The following FAM222B variants were observed in gnomAD, a reference collection of about 807,000 sequenced individuals.
FAM222B encodes protein FAM222B.
FAM222B carries 12 observed loss-of-function variants against 38.0 expected under a neutral mutation model. The observed-to-expected ratio is 0.32, with a 90% CI of 0.20 to 0.51. The LOEUF (loss-of-function observed/expected upper bound fraction) is 0.51, where lower values mean the gene tolerates loss of function less well. Ranked by LOEUF, FAM222B falls within the 20% of genes least tolerant of loss-of-function variation. FAM222B has a pLI of 0.97. For missense variants in FAM222B, 716 were observed against 754.2 expected, an observed-to-expected ratio of 0.95 and a Z score of 0.59; for synonymous variants, 329 against 317.2, an observed-to-expected ratio of 1.04 and a Z score of -0.40.
chr17:28,763,966 T>C (rs1410329015), intron 2 of FAM222B, among the ~76,000 whole-genome samples: 3 of 152,108 alleles, frequency 2.0e-5, no homozygotes, highest in Non-Finnish European at 4.4e-5. Flanking sequence ...AGAGCCCCAG[T>C]GTTCTGCCAT....
At position 28,819,034 on chromosome 17, in the gene FAM222B, G is replaced by C. The variant is rs1423215777; in HGVS notation, c.-41+23648C>G. Among the ~76,000 whole-genome samples, 4 of 152,186 alleles carry C rather than the reference G, an allele frequency of 2.6e-5. No homozygotes were observed. In the East Asian group the frequency reaches 7.7e-4, roughly 29 times the overall value. ...GTCAGAAGACAGAAAACAAAAAGAAGGCTGTGCAAGCCAGAAAAAGCAAAT... is the reference window on the plus strand; with the variant it reads ...GTCAGAAGACAGAAAACAAAAAGAACGCTGTGCAAGCCAGAAAAAGCAAAT... On this transcript the variant is annotated intron_variant, in intron 1 of 2. Coordinates refer to ENST00000581407, the MANE Select transcript of FAM222B (RefSeq NM_001077498.3).
chr17:28,785,509 G>T (rs1210024433), intron 1 of FAM222B, among the ~76,000 whole-genome samples: 1 of 152,066 alleles, frequency 6.6e-6, no homozygotes, highest in African/African-American at 2.4e-5. Flanking sequence ...CTAAGCCGTG[G>T]TTTTGATGAT....
chr17:28,785,091 G>A (rs1438445786), intron 1 of FAM222B, among the ~76,000 whole-genome samples: 1 of 152,054 alleles, frequency 6.6e-6, no homozygotes, highest in Non-Finnish European at 1.5e-5. Flanking sequence ...AATCTAGATG[G>A]AACAAGTATT....
In FAM222B at chr17:28,841,821, A is replaced by G. The variant is rs1210002663; in HGVS notation, c.-41+861T>C. Among the ~76,000 whole-genome samples the G allele has an allele frequency of 3.9e-5, 6 of 152,138 alleles. No homozygotes were observed. In the East Asian group the frequency reaches 1.2e-3, roughly 29 times the overall value. On this transcript the variant is annotated intron_variant, in intron 1 of 2. Coordinates refer to ENST00000581407, the MANE Select transcript of FAM222B (RefSeq NM_001077498.3). ...GTTTGTAAAAACGCCGGAGTACGGT[A>G]TTTTTCCTACAGAAGTCTGATGGCT... is the stretch of plus-strand genomic sequence containing the variant.
In FAM222B at chr17:28,758,208, T is replaced by TA. The variant is rs2085442923; in HGVS notation, c.*61dup. ...GAAACTTTGAAACTATCCAGTTACT[T>TA]AAAAGACTAAACCTAGGAGGGTGAT... On this transcript the variant is annotated 3_prime_UTR_variant, in exon 3 of 3. Transcript: ENST00000581407. 7.3e-7 allele frequency: 1 copy of TA among 1,366,310 alleles called. No individual in the cohort carries two copies. Among genetic ancestry groups the TA allele is most frequent in the South Asian group, 1.4e-5 (1 of 71,234 alleles). The allele number at this position is 1,366,310 out of a possible 1,614,324, so 84.6% of individuals were successfully genotyped here.
chr17:28,760,640 C>CT (rs1342921855), intron 2 of FAM222B, among the ~76,000 whole-genome samples: 52 of 151,922 alleles, frequency 3.4e-4, no homozygotes, highest in Admixed American at 3.3e-3. Context: ...GCCCATGTGG[C>CT]TTGGGGGTAG....
At chr17:28,795,264 C>G (rs1165435532) in intron 1 of FAM222B, among the ~76,000 whole-genome samples, 2 of 152,170 alleles carry the variant, frequency 1.3e-5, no homozygotes, top group Non-Finnish European at 2.9e-5. Flanking sequence ...CCCACCTCAG[C>G]CTGCCAAGTA....
Position 28,757,303 on chromosome 17 carries a change from C to G in FAM222B, c.*967G>C, listed in dbSNP as rs919422317. On this transcript the variant is annotated 3_prime_UTR_variant, in exon 3 of 3. Transcript: ENST00000581407. ...ATGCTACTCAAACCCACACTACATT[C>G]ATACAGAAACGTAACGTTTAAAACT... The G allele has an allele frequency of 7.9e-5, 12 of 152,464 alleles. No individual in the cohort carries two copies. The highest frequency in any genetic ancestry group is 7.9e-4 in the Admixed American group (12 of 15,252). 9.4% of individuals were successfully genotyped at this position (152,464 alleles called of 1,614,324 possible).
Position 28,762,765 on chromosome 17 carries a change from C to T in FAM222B, c.83-2889G>A, listed in dbSNP as rs541314108. 4.0e-5 allele frequency among the ~76,000 whole-genome samples: 6 copies of T among 151,364 alleles called. No homozygotes were observed. The South Asian group carries it at 8.4e-4, about 21-fold the overall frequency. Reference sequence around the variant, plus strand: ...CAGCCTGGCCAAGATGGAGAAACCCCGTCTCTACTAAAAAAATACAAAAAA... The same window carrying T: ...CAGCCTGGCCAAGATGGAGAAACCCTGTCTCTACTAAAAAAATACAAAAAA... On this transcript the variant is annotated intron_variant, in intron 2 of 2. Transcript: ENST00000581407.
chr17:28,815,836 G>A (rs1048385065), intron 1 of FAM222B, among the ~76,000 whole-genome samples: 4 of 151,860 alleles, frequency 2.6e-5, no homozygotes, highest in African/African-American at 4.8e-5. Context: ...GTGTGGTGGC[G>A]CGCATCTGTA....
chr17:28,851,078 C>T (rs1356863933), intron 1 of FAM222B, among the ~76,000 whole-genome samples: 4 of 152,032 alleles, frequency 2.6e-5, no homozygotes, highest in East Asian at 1.9e-4. Flanking sequence ...GAGATCGCAC[C>T]GCTGCACTCC....
chr17:28,822,820 A>ATAT (rs2038287629), intron 1 of FAM222B, among the ~76,000 whole-genome samples: 1 of 100,446 alleles, frequency 1.0e-5, no homozygotes, highest in South Asian at 3.1e-4. Context: ...AAAAAAAAAA[A>ATAT]AAAAAAAAAA....
At chr17:28,766,547 A>T in intron 2 of FAM222B, 39 bp downstream of exon 2, 1 of 1,540,676 alleles carries the variant, frequency 6.5e-7, no homozygotes, top group South Asian at 1.2e-5. Context: ...AGACAAAAAC[A>T]AAGAATCACA....
At chr17:28,835,962 A>G (rs1011837412) in intron 1 of FAM222B, among the ~76,000 whole-genome samples, 1 of 151,672 alleles carries the variant, frequency 6.6e-6, no homozygotes, top group African/African-American at 2.4e-5. Flanking sequence ...GGCATGAACC[A>G]CCATGCCAAC....
At chr17:28,776,175 A>C (rs897222317) in intron 1 of FAM222B, among the ~76,000 whole-genome samples, 1 of 151,280 alleles carries the variant, frequency 6.6e-6, no homozygotes, top group Non-Finnish European at 1.5e-5. Flanking sequence ...GATCAAGACC[A>C]TCCTGGCTAA....
chr17:28,776,677 A>G (rs966307899), intron 1 of FAM222B, among the ~76,000 whole-genome samples: 1 of 151,854 alleles, frequency 6.6e-6, no homozygotes, highest in East Asian at 2.0e-4. Flanking sequence ...GCTGCTGCTG[A>G]ACTCCTGCTG....
rs559591762 is a variant in FAM222B at position 28,833,508 on chromosome 17, T to C, written c.-41+9174A>G. ...GGTGTGCGCCTGTAGTCCCAGCTAC[T>C]TGGGAGAGGCAGGAGAATTCCTTGA... On this transcript the variant is annotated intron_variant, in intron 1 of 2. Coordinates refer to ENST00000581407, the MANE Select transcript of FAM222B (RefSeq NM_001077498.3). 1.1e-4 allele frequency among the ~76,000 whole-genome samples: 17 copies of C among 148,124 alleles called. No individual in the cohort carries two copies. In the East Asian group the frequency reaches 3.0e-3, roughly 26 times the overall value.
chr17:28,834,715 A>T (rs1316688104), intron 1 of FAM222B: 3 of 152,148 alleles, frequency 2.0e-5, no homozygotes, highest in Non-Finnish European at 4.4e-5. Flanking sequence ...GTCTCTAATT[A>T]AAATGTGGCT....
At chr17:28,772,983 G>A (rs1000931313) in intron 1 of FAM222B, among the ~76,000 whole-genome samples, 2 of 152,164 alleles carry the variant, frequency 1.3e-5, no homozygotes, top group Admixed American at 6.6e-5. Context: ...AAGATAAGAG[G>A]TGAATTCAGC....
Sources: allele counts gnomAD v4.1 joint callset (sites outside exome capture counted in the v4.1 genomes callset), GRCh38; gene constraint gnomAD v4.1.1; transcripts MANE v1.5; gene names NCBI Gene and HGNC (gene_info 2026-07-23, HGNC 2026-07-21).